The following RPH3A variants were observed in gnomAD, a reference collection of about 807,000 sequenced individuals.
RPH3A encodes the protein rabphilin 3A, also known as rabphilin-3A.
A neutral mutation model predicts 102.2 loss-of-function variants in RPH3A; 48 were observed. The ratio of observed to expected loss-of-function variants is 0.47; its 90% CI spans 0.37 to 0.60. The LOEUF is 0.60. RPH3A is among the 20% of genes least tolerant of loss of function. The pLI is 0.00. For synonymous variants in RPH3A, 310 were observed against 324.3 expected, an observed-to-expected ratio of 0.96 and a Z score of 0.47; for missense variants, 781 against 910.1, an observed-to-expected ratio of 0.86 and a Z score of 1.83.
intron 13 of RPH3A, 33 bp from the exon 14 acceptor site, chr12:112,879,086 C>T (rs12824822): frequency 1.1e-5 from 17 of 1,551,888 alleles, no homozygotes; most frequent in South Asian, 3.4e-5. Flanking sequence ...ACTGAATATT[C>T]GTTATCTTGG....
chr12:112,797,358 T>C (rs2041252680), intron 2 of RPH3A, among the ~76,000 whole-genome samples: 1 of 152,132 alleles, frequency 6.6e-6, no homozygotes, highest in Non-Finnish European at 1.5e-5. Context: ...GGGAGGGGGC[T>C]GCATTACTAG....
chr12:112,798,689 T>C (rs1487090471), intron 2 of RPH3A, among the ~76,000 whole-genome samples: 1 of 152,126 alleles, frequency 6.6e-6, no homozygotes, highest in African/African-American at 2.4e-5. Flanking sequence ...CCTGTGTTTT[T>C]CCTCTGTCAC....
intron 3 of RPH3A, among the ~76,000 whole-genome samples, chr12:112,831,451 C>T (rs773561433): frequency 3.9e-5 from 6 of 152,144 alleles, no homozygotes; most frequent in South Asian, 4.1e-4. Flanking sequence ...ACACTCTTAA[C>T]GACATCTTAA....
chr12:112,654,607 T>A (rs1344943071), intron 1 of RPH3A, among the ~76,000 whole-genome samples: 1 of 152,206 alleles, frequency 6.6e-6, no homozygotes, highest in African/African-American at 2.4e-5. Context: ...CCCTTGAGTA[T>A]CTTCTTGCAG....
chr12:112,796,650 G>C (rs752752466), intron 2 of RPH3A, among the ~76,000 whole-genome samples: 2 of 152,240 alleles, frequency 1.3e-5, no homozygotes, highest in Non-Finnish European at 2.9e-5. Context: ...CAAAGGACAG[G>C]CCTCTCTCTC....
chr12:112,788,151 G>A (rs1403419114), upstream of RPH3A, among the ~76,000 whole-genome samples: 1 of 152,206 alleles, frequency 6.6e-6, no homozygotes, highest in Non-Finnish European at 1.5e-5. Context: ...TGGTGACCAG[G>A]GAGGTGGGCA....
intron 2 of RPH3A, among the ~76,000 whole-genome samples, chr12:112,818,307 T>TAAAAAAA (rs745954372): frequency 1.1e-4 from 5 of 43,806 alleles, no homozygotes; most frequent in South Asian, 9.4e-4. Context: ...TCAAGAAGAA[T>TAAAAAAA]AAAAAAAAAA....
At chr12:112,808,116 G>A (rs1430557274) in intron 2 of RPH3A, among the ~76,000 whole-genome samples, 1 of 152,122 alleles carries the variant, frequency 6.6e-6, no homozygotes, top group African/African-American at 2.4e-5. Context: ...CCTCTCCCCA[G>A]ATGACTCTAA....
chr12:112,749,983 T>C (rs1249954175), intron 1 of RPH3A, among the ~76,000 whole-genome samples: 1 of 152,200 alleles, frequency 6.6e-6, no homozygotes, highest in Non-Finnish European at 1.5e-5. Flanking sequence ...AATGCATTCC[T>C]GTCTGGTCAC....
At chr12:112,739,947 C>A (rs2040696905) in intron 1 of RPH3A, among the ~76,000 whole-genome samples, 1 of 152,154 alleles carries the variant, frequency 6.6e-6, no homozygotes, top group Admixed American at 6.5e-5. Flanking sequence ...CCTTCATCCC[C>A]CCCCAGCCTT....
chr12:112,863,981 C>T (rs943838986), intron 5 of RPH3A, among the ~76,000 whole-genome samples: 2 of 152,192 alleles, frequency 1.3e-5, no homozygotes, highest in African/African-American at 4.8e-5. Context: ...TGCCTGGCCC[C>T]GGGGAACTCA....
intron 2 of RPH3A, among the ~76,000 whole-genome samples, chr12:112,798,668 G>A (rs993306412): frequency 3.9e-5 from 6 of 151,936 alleles, no homozygotes; most frequent in African/African-American, 4.8e-5. Flanking sequence ...TCCCCTTTCC[G>A]TCTCTGCCTT....
At chr12:112,684,736 T>C (rs1257205052) in intron 1 of RPH3A, among the ~76,000 whole-genome samples, 1 of 152,226 alleles carries the variant, frequency 6.6e-6, no homozygotes, top group Non-Finnish European at 1.5e-5. Context: ...GTTCATTTTT[T>C]ATTTTTCCTA....
At chr12:112,700,138 TG>T (rs2040382640) in intron 1 of RPH3A, among the ~76,000 whole-genome samples, 1 of 152,032 alleles carries the variant, frequency 6.6e-6, no homozygotes, top group Non-Finnish European at 1.5e-5. Flanking sequence ...GGCGCGATCT[TG>T]GCTCTCTGCA....
At chr12:112,834,110 C>T (rs1790633665) in intron 3 of RPH3A, among the ~76,000 whole-genome samples, 1 of 152,186 alleles carries the variant, frequency 6.6e-6, no homozygotes, top group South Asian at 2.1e-4. Flanking sequence ...CTTTGTTACC[C>T]TTTATAGTTC....
At chr12:112,879,011 C>T in intron 13 of RPH3A, 108 bp from the exon 14 acceptor site, 1 of 973,212 alleles carries the variant, frequency 1.0e-6, no homozygotes, top group African/African-American at 1.6e-5. Context: ...TTCTTCTCTT[C>T]TGTGGTCTCA....
intron 4 of RPH3A, among the ~76,000 whole-genome samples, chr12:112,836,844 A>G (rs2042059484): frequency 6.6e-6 from 1 of 152,218 alleles, no homozygotes; most frequent in South Asian, 2.1e-4. Context: ...TTCTGCGATA[A>G]GGAAAATGTT....
intron 5 of RPH3A, among the ~76,000 whole-genome samples, chr12:112,860,209 G>T (rs937743637): frequency 5.2e-4 from 79 of 152,304 alleles, no homozygotes; most frequent in African/African-American, 1.9e-3. Flanking sequence ...TCCAGCATTT[G>T]AGCTGCAGGC....
At chr12:112,633,933 A>G (rs1409835773) in intron 1 of RPH3A, among the ~76,000 whole-genome samples, 3 of 152,144 alleles carry the variant, frequency 2.0e-5, no homozygotes, top group Admixed American at 6.5e-5. Flanking sequence ...TTATGTCTCT[A>G]ATTTTCTGAT....
Sources: gnomAD v4.1 joint callset for allele counts (sites outside exome capture counted in the v4.1 genomes callset) on GRCh38, gnomAD v4.1.1 for gene constraint, MANE v1.5 for transcripts, NCBI Gene and HGNC (gene_info 2026-07-23, HGNC 2026-07-21) for gene names.